ABAT: variants seen among roughly 807,000 people sequenced by gnomAD.
ABAT encodes 4-aminobutyrate aminotransferase, also known as 4-aminobutyrate aminotransferase, mitochondrial.
A neutral mutation model predicts 64.6 loss-of-function variants in ABAT; 45 were observed. The observed-to-expected ratio is 0.70, with a 90% CI of 0.55 to 0.89. The LOEUF is 0.89. ABAT is among the 40% of genes least tolerant of loss of function. ABAT has a pLI of 0.00. For missense variants in ABAT, 633 were observed against 658.4 expected (o/e 0.96, Z 0.42); for synonymous variants, 297 against 250.5 (o/e 1.19, Z -1.75).
intron 1 of ABAT, among the ~76,000 whole-genome samples, chr16:8,688,051 T>C (rs1262363505): frequency 1.3e-5 from 2 of 149,168 alleles, no homozygotes; most frequent in Non-Finnish European, 3.0e-5. Context: ...GCCCGTTCCC[T>C]GCCCCGCTAT....
At chr16:8,700,007 G>A (rs2057784456) in intron 1 of ABAT, among the ~76,000 whole-genome samples, 1 of 151,866 alleles carries the variant, frequency 6.6e-6, no homozygotes, top group African/African-American at 2.4e-5. Flanking sequence ...TTTTTGTAGA[G>A]ACTGAGTTAT....
intron 1 of ABAT, among the ~76,000 whole-genome samples, chr16:8,697,724 C>G (rs1309991308): frequency 2.0e-5 from 3 of 152,114 alleles, no homozygotes. Flanking sequence ...CAACCTCCAC[C>G]TCCCAGGTTC....
chr16:8,758,390 CACGAG>C (rs2059703531), intron 6 of ABAT, among the ~76,000 whole-genome samples: 1 of 152,076 alleles, frequency 6.6e-6, no homozygotes, highest in Non-Finnish European at 1.5e-5. Context: ...TCTGGCAGGC[CACGAG>C]TCGGGAGGAA....
intron 8 of ABAT, 120 bp from the exon 9 acceptor site, chr16:8,766,088 A>G: frequency 1.1e-6 from 1 of 885,200 alleles, no homozygotes; most frequent in Non-Finnish European, 1.9e-6. Flanking sequence ...TTAATACATG[A>G]GATCCACTCC....
chr16:8,739,611 G>C (rs2059101698), intron 2 of ABAT, among the ~76,000 whole-genome samples: 2 of 152,114 alleles, frequency 1.3e-5, no homozygotes, highest in African/African-American at 2.4e-5. Context: ...CCAGCTACTT[G>C]GGAGGCTGAG....
intron 1 of ABAT, chr16:8,683,154 G>A (rs940718620): frequency 1.3e-5 from 2 of 152,242 alleles, no homozygotes; most frequent in Non-Finnish European, 2.9e-5. Context: ...CAGAGGAGCA[G>A]TGCCTTGCCC....
chr16:8,720,460 C>T (rs2058335804), intron 1 of ABAT, among the ~76,000 whole-genome samples: 1 of 152,196 alleles, frequency 6.6e-6, no homozygotes, highest in African/African-American at 2.4e-5. Context: ...TTTATGATGC[C>T]CAAGAGGCAG....
chr16:8,685,137 T>C (rs1467447956), intron 1 of ABAT, among the ~76,000 whole-genome samples: 2 of 146,184 alleles, frequency 1.4e-5, no homozygotes, highest in Non-Finnish European at 3.0e-5. Context: ...ATACAAAAAA[T>C]TGGTCAAGCA....
Position 8,713,731 on chromosome 16 carries a change from G to A in ABAT, c.-41-21968G>A, listed in dbSNP as rs147751577. The A allele has an allele frequency of 2.9e-4, 110 of 385,266 alleles. No individual in the cohort carries two copies. The East Asian group carries it at 5.9e-3, about 21-fold the overall frequency. The allele number at this position is 385,266 out of a possible 1,614,324, so 23.9% of individuals were successfully genotyped here. On this transcript the variant is annotated intron_variant, in intron 1 of 15. Transcript: ENST00000268251. ...TGGAAATCCGGGACACCCTCCTGAG[G>A]AGGGAGCTGGTGCCCAACGGCACCT...
chr16:8,721,882 G>T (rs12597484), intron 1 of ABAT, among the ~76,000 whole-genome samples: 11,028 of 152,258 alleles, frequency 0.072, 986 homozygotes, highest in East Asian at 0.45. Flanking sequence ...AGGAGAGGTG[G>T]GTGGGACTGA....
At chr16:8,765,974 C>T (rs913427721) in intron 8 of ABAT, 2 of 479,488 alleles carry the variant, frequency 4.2e-6, no homozygotes, top group South Asian at 2.0e-5. Context: ...CTTAATCCAA[C>T]AGATCTTAAT....
chr16:8,751,934 G>A (rs2059499295), intron 5 of ABAT, among the ~76,000 whole-genome samples: 1 of 152,214 alleles, frequency 6.6e-6, no homozygotes, highest in Admixed American at 6.5e-5. Context: ...ATGTTTCTTT[G>A]GCTGATGGAT....
At chr16:8,757,585 G>A (rs2059684091) in intron 5 of ABAT, among the ~76,000 whole-genome samples, 172 bp from the exon 6 acceptor site, 1 of 152,216 alleles carries the variant, frequency 6.6e-6, no homozygotes, top group African/African-American at 2.4e-5. Flanking sequence ...CTGAGTCAGG[G>A]ATGTTAGGTG....
chr16:8,737,964 G>A (rs1272059728), intron 2 of ABAT, among the ~76,000 whole-genome samples: 2 of 41,396 alleles, frequency 4.8e-5, no homozygotes, highest in African/African-American at 2.3e-4. Context: ...AAGGAAGGAA[G>A]GAAGGAAGGA....
chr16:8,778,782 A>AG (rs1361477459), intron 14 of ABAT, among the ~76,000 whole-genome samples: 1 of 151,932 alleles, frequency 6.6e-6, no homozygotes, highest in Admixed American at 6.6e-5. Context: ...ATCTCAAAAA[A>AG]AAAAAACAAA....
rs920764911 is a variant in ABAT, at chr16:8,776,981, C to T, written c.1269+491C>T. Among the ~76,000 whole-genome samples, 33 of 152,302 alleles carry T rather than the reference C, an allele frequency of 2.2e-4. No homozygotes were observed. The East Asian group carries it at 2.7e-3, about 12-fold the overall frequency. On this transcript the variant is annotated intron_variant, in intron 14 of 15. Coordinates refer to ENST00000268251, the MANE Select transcript of ABAT (RefSeq NM_020686.6). This position sits in a 1 kb window ranked among gnomAD's most constrained non-coding sequence, Gnocchi z 4.4. ...TGGCGCAATCTCAGCTCACCGCAACCGCTGCCTCCTGGGTTCAGGAGATTC... is the reference window on the plus strand; with the variant it reads ...TGGCGCAATCTCAGCTCACCGCAACTGCTGCCTCCTGGGTTCAGGAGATTC...
intron 6 of ABAT, among the ~76,000 whole-genome samples, 191 bp downstream of exon 6, chr16:8,757,997 G>C (rs1439242671): frequency 2.0e-5 from 3 of 152,226 alleles, no homozygotes; most frequent in African/African-American, 7.2e-5. Flanking sequence ...TCCCACGGAG[G>C]CAGTCAATTA....
At position 8,764,843 on chromosome 16, in the gene ABAT, G is replaced by GCACACA. The variant is rs35745596; in HGVS notation, c.540+30_540+35dup. On this transcript the variant is annotated intron_variant, in intron 8 of 15. Transcript: ENST00000268251. This position sits in a 1 kb window ranked among gnomAD's most constrained non-coding sequence, Gnocchi z 4.2. The stretch of plus-strand genomic sequence containing the variant: ...CATGTGGTACCGGGTGAGGTTTGGG[G>GCACACA]CACACACACACACACACACACAGGC... The GCACACA allele has an allele frequency of 6.8e-4, 1,046 of 1,533,204 alleles. 3 individuals carry two copies. In the Admixed American group the frequency reaches 8.3e-3, roughly 12 times the overall value. 95.0% of individuals were successfully genotyped at this position (1,533,204 alleles called of 1,614,324 possible).
At position 8,750,462 on chromosome 16, in the gene ABAT, G is replaced by A. The variant is rs1225980950; in HGVS notation, c.239G>A (p.Ser80Asn). 1 of 1,614,188 alleles carries A rather than the reference G, an allele frequency of 6.2e-7. No homozygotes were observed. Among genetic ancestry groups the A allele is most frequent in the Non-Finnish European group, 8.5e-7 (1 of 1,180,032 alleles). Residue 80 changes from serine (S) to asparagine (N), a missense_variant, in exon 5 of 16, where the codon AGC (serine) becomes AAC (asparagine). Coordinates refer to ENST00000268251, the MANE Select transcript of ABAT (RefSeq NM_020686.6). ...AVHFFCNYEE[S>N]RGNYLVDVDG... The stretch of plus-strand genomic sequence containing the variant: ...CATTTTTTCTGCAATTACGAAGAGA[G>A]CCGAGGCAATTACCTGGTTGATGTG...
Sources: gnomAD v4.1 joint callset for allele counts (sites outside exome capture counted in the v4.1 genomes callset) on GRCh38, gnomAD v4.1.1 for gene constraint, Gnocchi (gnomAD v3.1) non-coding constraint, MANE v1.5 for transcripts, NCBI Gene and HGNC (gene_info 2026-07-23, HGNC 2026-07-21) for gene names.